CYP7B1: variants seen among roughly 807,000 people sequenced by gnomAD.
CYP7B1 encodes cytochrome P450 7B1.
CYP7B1 carries 29 observed loss-of-function variants against 42.7 expected under a neutral mutation model. That is an observed-to-expected ratio of 0.68 (90% CI 0.51 to 0.93). The LOEUF (loss-of-function observed/expected upper bound fraction) is 0.93. Among genes scored for constraint, CYP7B1 ranks in the 40% least tolerant of loss-of-function variants. CYP7B1 has a pLI of 0.00. For synonymous variants in CYP7B1, 235 were observed against 218.2 expected, an observed-to-expected ratio of 1.08 and a Z score of -0.68; for missense variants, 655 against 600.5, an observed-to-expected ratio of 1.09 and a Z score of -0.95.
At chr8:64,647,216 T>C (rs1354775155) in intron 1 of CYP7B1, among the ~76,000 whole-genome samples, 1 of 152,176 alleles carries the variant, frequency 6.6e-6, no homozygotes, top group Non-Finnish European at 1.5e-5. Context: ...TTAAGCTCAC[T>C]ATCTTATATG....
At chr8:64,753,001 T>C (rs1347787936) in intron 1 of CYP7B1, among the ~76,000 whole-genome samples, 1 of 152,056 alleles carries the variant, frequency 6.6e-6, no homozygotes, top group Admixed American at 6.6e-5. Flanking sequence ...ACACACACAA[T>C]TAACAATCTG....
At position 64,596,797 on chromosome 8, in the gene CYP7B1, G is replaced by A. The variant is rs374277863; in HGVS notation, c.1366C>T (p.Leu456Phe). Residue 456 changes from leucine (L) to phenylalanine (F), a missense_variant, in exon 6 of 6, where the codon CTT becomes TTT. Transcript: ENST00000310193. ...ACCAACAATTGTTTTATTTCCATAA[G>A]TGCAAAAAATCGGCCTGGACATTTG... ...TSKCPGRFFA[L>F]MEIKQLLVIL... 1.2e-6 allele frequency: 2 copies of A among 1,613,882 alleles called. No homozygotes were observed. Among genetic ancestry groups the A allele is most frequent in the African/African-American group, 2.7e-5 (2 of 74,898 alleles).
intron 1 of CYP7B1, among the ~76,000 whole-genome samples, chr8:64,674,240 A>T (rs16931374): frequency 0.081 from 12,378 of 152,232 alleles, 761 homozygotes; most frequent in African/African-American, 0.16. Flanking sequence ...TCTATAATGC[A>T]CACAGAGACA....
chr8:64,743,173 T>A (rs1173973877), intron 1 of CYP7B1, among the ~76,000 whole-genome samples: 1 of 152,184 alleles, frequency 6.6e-6, no homozygotes, highest in Non-Finnish European at 1.5e-5. Flanking sequence ...TCCATTTTTT[T>A]AATATTTAAA....
intron 1 of CYP7B1, among the ~76,000 whole-genome samples, chr8:64,776,274 G>A (rs932114966): frequency 3.3e-5 from 5 of 152,182 alleles, no homozygotes; most frequent in South Asian, 2.1e-4. Flanking sequence ...CAGAAATGCC[G>A]TCTCTGCATG....
Position 64,624,436 on chromosome 8 carries a change from G to A in CYP7B1, c.226C>T (p.Gln76Ter). 1.2e-6 allele frequency: 2 copies of A among 1,613,536 alleles called. No homozygotes were observed. Among genetic ancestry groups the A allele is most frequent in the Non-Finnish European group, 1.7e-6 (2 of 1,179,856 alleles). The change falls in exon 2 of 6, where the codon CAA becomes TAA. Residue 76 changes from glutamine to a stop codon, truncating the protein, a stop_gained. Transcript: ENST00000310193. LOFTEE classifies it high-confidence loss of function. ...AGAACTGTGAAAGTGTCACCATGTT[G>A]CTTTTGAAGTGTTTTCATGAACCTT... ...PLRFMKTLQK[Q>*]HGDTFTVLLG... is the part of the protein sequence containing the mutation.
rs113078091 is a variant in CYP7B1, at chr8:64,656,726, C to T, written c.123-32187G>A. Among the ~76,000 whole-genome samples, 480 of 152,268 alleles carry T rather than the reference C, an allele frequency of 3.2e-3. 8 individuals carry two copies. The highest frequency in any genetic ancestry group is 0.011 in the African/African-American group (468 of 41,554). On this transcript the variant is annotated intron_variant, in intron 1 of 5. Transcript: ENST00000310193. ...TGAAAAAGAAGCCCAATTGTGCAATCCTTTCAGTTGGTACAGTTTTCATTT... is the reference window on the plus strand; with the variant it reads ...TGAAAAAGAAGCCCAATTGTGCAATTCTTTCAGTTGGTACAGTTTTCATTT...
Position 64,591,502 on chromosome 8 carries a change from G to T in CYP7B1, c.*5140C>A, listed in dbSNP as rs1161611691. 6.6e-6 allele frequency among the ~76,000 whole-genome samples: 1 copy of T among 152,144 alleles called. No homozygotes were observed. Among genetic ancestry groups the T allele is most frequent in the East Asian group, 1.9e-4 (1 of 5,202 alleles). On this transcript the variant is annotated 3_prime_UTR_variant, in exon 6 of 6. Coordinates refer to ENST00000310193, the MANE Select transcript of CYP7B1 (RefSeq NM_004820.5). ...GGATCAAACACTAGATAAATGTTGTGCTTTGGTCTTTGAACAGTTTTAAAC... is the reference window on the plus strand; with the variant it reads ...GGATCAAACACTAGATAAATGTTGTTCTTTGGTCTTTGAACAGTTTTAAAC...
Position 64,616,129 on chromosome 8 carries a change from G to T in CYP7B1, c.412C>A (p.Leu138Ile). 1 of 1,613,622 alleles carries T rather than the reference G, an allele frequency of 6.2e-7. No individual in the cohort carries two copies. Among genetic ancestry groups the T allele is most frequent in the Non-Finnish European group, 8.5e-7 (1 of 1,179,780 alleles). ...TGCAAAAATTGATAGCAGAGGTGAA[G>T]CTCATCATTCATGTCATGATTTTTT... ...LQKNHDMNDE[L>I]HLCYQFLQGK... is the part of the protein sequence containing the mutation. Residue 138 changes from leucine (L) to isoleucine (I), a missense_variant, in exon 3 of 6, where the codon CTT (leucine) becomes ATT (isoleucine). Transcript: ENST00000310193.
At chr8:64,725,466 A>G (rs61146973) in intron 1 of CYP7B1, among the ~76,000 whole-genome samples, 22,254 of 152,218 alleles carry the variant, frequency 0.15, 1,929 homozygotes, top group East Asian at 0.36. Context: ...TAAAACACCT[A>G]GAAGCAGGAA....
chr8:64,692,123 A>G (rs1049133159), intron 1 of CYP7B1, among the ~76,000 whole-genome samples: 1 of 152,228 alleles, frequency 6.6e-6, no homozygotes, highest in South Asian at 2.1e-4. Context: ...AAGAGCCACA[A>G]TACTATCCAC....
At chr8:64,696,427 C>T (rs1806829170) in intron 1 of CYP7B1, among the ~76,000 whole-genome samples, 2 of 152,042 alleles carry the variant, frequency 1.3e-5, no homozygotes, top group Non-Finnish European at 2.9e-5. Context: ...AACTGCAAAG[C>T]AAAAAATCAG....
chr8:64,659,891 T>G (rs1023038453), intron 1 of CYP7B1, among the ~76,000 whole-genome samples: 1 of 152,188 alleles, frequency 6.6e-6, no homozygotes, highest in Non-Finnish European at 1.5e-5. Flanking sequence ...TGGTTATCAG[T>G]GCAGAGGTGG....
At chr8:64,770,309 C>A (rs1320306751) in intron 1 of CYP7B1, among the ~76,000 whole-genome samples, 1 of 152,110 alleles carries the variant, frequency 6.6e-6, no homozygotes, top group Non-Finnish European at 1.5e-5. Context: ...TGGAATAGAT[C>A]TTAGAGTTCC....
intron 1 of CYP7B1, among the ~76,000 whole-genome samples, chr8:64,759,383 C>T (rs1807853663): frequency 6.6e-6 from 1 of 152,170 alleles, no homozygotes; most frequent in African/African-American, 2.4e-5. Flanking sequence ...GATAGACTTG[C>T]TGATGTTTAT....
chr8:64,615,605 T>G lies in CYP7B1; in HGVS notation c.850+86A>C, dbSNP rs1323958805. 3.0e-6 allele frequency: 4 copies of G among 1,333,668 alleles called. 1 individual carries two copies. The East Asian group carries it at 9.2e-5, about 31-fold the overall frequency. The allele number at this position is 1,333,668 out of a possible 1,614,324, so 82.6% of individuals were successfully genotyped here. ...CCAATTAGAAAGAGCATAAAAAATT[T>G]TCAAGGTCGCCATTTTGTCTTTTTA... is the stretch of plus-strand genomic sequence containing the variant. On this transcript the variant is annotated intron_variant, in intron 3 of 5. Transcript: ENST00000310193.
At chr8:64,723,100 T>C (rs1024332747) in intron 1 of CYP7B1, among the ~76,000 whole-genome samples, 4 of 152,232 alleles carry the variant, frequency 2.6e-5, no homozygotes, top group Non-Finnish European at 4.4e-5. Flanking sequence ...AATGTCTACT[T>C]CTTTCTAAAA....
intron 1 of CYP7B1, among the ~76,000 whole-genome samples, chr8:64,760,306 A>G (rs1267527022): frequency 6.6e-6 from 1 of 152,098 alleles, no homozygotes; most frequent in East Asian, 1.9e-4. Context: ...CTCAGCAATG[A>G]TTTTTTGGTT....
At chr8:64,627,487 T>A (rs1229844474) in intron 1 of CYP7B1, among the ~76,000 whole-genome samples, 1 of 152,260 alleles carries the variant, frequency 6.6e-6, no homozygotes, top group Non-Finnish European at 1.5e-5. Flanking sequence ...GGTTTAATGT[T>A]GCTTGAATGT....
Sources: allele counts gnomAD v4.1 joint callset (sites outside exome capture counted in the v4.1 genomes callset), GRCh38; gene constraint gnomAD v4.1.1; transcripts MANE v1.5; gene names NCBI Gene and HGNC (gene_info 2026-07-23, HGNC 2026-07-21).